The following XKR6 variants were observed in gnomAD, a reference collection of about 807,000 sequenced individuals.
The protein encoded by XKR6 is XK related 6, also known as XK-related protein 6.
XKR6 carries 22 observed loss-of-function variants against 56.7 expected under a neutral mutation model. The ratio of observed to expected loss-of-function variants is 0.39; its 90% CI spans 0.28 to 0.55. The LOEUF is 0.55. Among genes scored for constraint, XKR6 ranks in the 20% least tolerant of loss-of-function variants. XKR6 has a pLI of 0.66. For synonymous variants in XKR6, 524 were observed against 387.8 expected, an observed-to-expected ratio of 1.35 and a Z score of -4.13; for missense variants, 852 against 889.0, an observed-to-expected ratio of 0.96 and a Z score of 0.53.
intron 1 of XKR6, among the ~76,000 whole-genome samples, chr8:11,149,652 T>C (rs1801170263): frequency 6.6e-6 from 1 of 150,988 alleles, no homozygotes; most frequent in Admixed American, 6.6e-5. Context: ...GCTGAGAATG[T>C]CAATTAGTAC....
intron 1 of XKR6, among the ~76,000 whole-genome samples, chr8:11,194,077 A>C (rs1053256630): frequency 6.6e-6 from 1 of 152,224 alleles, no homozygotes; most frequent in Non-Finnish European, 1.5e-5. Context: ...GGCAGGACTT[A>C]GAACTCTACT....
chr8:11,170,299 T>A (rs976106808), intron 1 of XKR6, among the ~76,000 whole-genome samples: 2 of 152,212 alleles, frequency 1.3e-5, no homozygotes, highest in Admixed American at 1.3e-4. Context: ...AACAACCAAA[T>A]GTTCCCAACT....
intron 1 of XKR6, among the ~76,000 whole-genome samples, chr8:11,032,749 C>T (rs1374976082): frequency 6.6e-6 from 1 of 152,132 alleles, no homozygotes; most frequent in African/African-American, 2.4e-5. Context: ...CATGGTCAAA[C>T]ACCCCTCCAA....
rs998772576 is a variant in XKR6, at chr8:10,896,327, C to G, written c.*1625G>C. ...ATAAACAGTGGAATCAAATCCTCAC[C>G]CAAATGGCATGGCCTCTAAGGCCTG... On this transcript the variant is annotated 3_prime_UTR_variant, in exon 3 of 3. Coordinates refer to ENST00000416569, the MANE Select transcript of XKR6 (RefSeq NM_173683.4). 12 of 152,594 alleles carry G rather than the reference C, an allele frequency of 7.9e-5. No homozygotes were observed. Among genetic ancestry groups the G allele is most frequent in the Admixed American group, 3.9e-4 (6 of 15,272 alleles). The allele number at this position is 152,594 out of a possible 1,614,324, so 9.5% of individuals were successfully genotyped here. A position where few individuals can be genotyped will look rare whatever the true frequency, so the allele number is the denominator to read the frequency against.
intron 1 of XKR6, among the ~76,000 whole-genome samples, chr8:10,959,965 C>G (rs981989008): frequency 2.0e-5 from 3 of 152,104 alleles, no homozygotes; most frequent in East Asian, 1.9e-4. Flanking sequence ...AGGCAGCACT[C>G]ACACTCAGGG....
At chr8:10,908,515 G>A (rs1800247438) in intron 2 of XKR6, among the ~76,000 whole-genome samples, 1 of 151,958 alleles carries the variant, frequency 6.6e-6, no homozygotes. Flanking sequence ...CTCTCCTGCT[G>A]GCTCCTCAGA....
chr8:11,003,642 AG>A lies in XKR6; in HGVS notation c.765-78813del, dbSNP rs573171079. ...ATCTTCATTTTACAAATGCAAAGTGAGGCTCAGAGAAGCCATGCAGCCTGCT... is the reference window on the plus strand; with the variant it reads ...ATCTTCATTTTACAAATGCAAAGTGAGCTCAGAGAAGCCATGCAGCCTGCT... On this transcript the variant is annotated intron_variant, in intron 1 of 2. Coordinates refer to ENST00000416569, the MANE Select transcript of XKR6 (RefSeq NM_173683.4). Among the ~76,000 whole-genome samples, 284 of 152,334 alleles carry A rather than the reference AG, an allele frequency of 1.9e-3. 1 individual carries two copies. Among genetic ancestry groups the A allele is most frequent in the African/African-American group, 6.5e-3 (270 of 41,586 alleles).
chr8:10,981,105 T>C (rs1797724476), intron 1 of XKR6, among the ~76,000 whole-genome samples: 2 of 152,236 alleles, frequency 1.3e-5, no homozygotes, highest in Non-Finnish European at 2.9e-5. Flanking sequence ...CTTTGTTGTC[T>C]TCTACTCTCC....
At chr8:10,966,487 C>T (rs1047873453) in intron 1 of XKR6, among the ~76,000 whole-genome samples, 4 of 152,096 alleles carry the variant, frequency 2.6e-5, no homozygotes, top group African/African-American at 9.7e-5. Context: ...TCCTAGCCAA[C>T]ATGGTGAAAC....
At chr8:11,066,230 AC>A (rs1257795182) in intron 1 of XKR6, among the ~76,000 whole-genome samples, 2 of 151,314 alleles carry the variant, frequency 1.3e-5, no homozygotes, top group African/African-American at 2.4e-5. Flanking sequence ...CAACCTTCTC[AC>A]CCCCTCTCTC....
At chr8:11,096,853 A>C (rs1305167004) in intron 1 of XKR6, among the ~76,000 whole-genome samples, 1 of 152,268 alleles carries the variant, frequency 6.6e-6, no homozygotes, top group East Asian at 1.9e-4. Flanking sequence ...TGCATACTCA[A>C]GACCTCACTG....
intron 1 of XKR6, among the ~76,000 whole-genome samples, chr8:11,042,192 C>T (rs73541296): frequency 1.3e-5 from 2 of 152,062 alleles, no homozygotes; most frequent in Admixed American, 1.3e-4. Context: ...GGTCGAGTCT[C>T]CCTTATCCAA....
At chr8:11,086,357 C>T (rs933204336) in intron 1 of XKR6, among the ~76,000 whole-genome samples, 2 of 152,044 alleles carry the variant, frequency 1.3e-5, no homozygotes, top group African/African-American at 2.4e-5. Context: ...GCCCAAAGCC[C>T]GGGCCGAGGA....
At chr8:11,078,857 C>G (rs890775740) in intron 1 of XKR6, among the ~76,000 whole-genome samples, 1 of 152,198 alleles carries the variant, frequency 6.6e-6, no homozygotes, top group Non-Finnish European at 1.5e-5. Flanking sequence ...CCATGGCAAG[C>G]AAGGCCTCCC....
chr8:11,031,765 C>A (rs1218714011), intron 1 of XKR6, among the ~76,000 whole-genome samples: 2 of 152,238 alleles, frequency 1.3e-5, no homozygotes, highest in Non-Finnish European at 1.5e-5. Flanking sequence ...CTAAAATAAA[C>A]GTGACAGTGA....
At position 11,019,837 on chromosome 8, in the gene XKR6, G is replaced by A. The variant is rs189279068; in HGVS notation, c.765-95007C>T. On this transcript the variant is annotated intron_variant, in intron 1 of 2. Coordinates refer to ENST00000416569, the MANE Select transcript of XKR6 (RefSeq NM_173683.4). Reference sequence around the variant, plus strand: ...AGAAGCTGTGGCCTCTGAGGATGCTGTACTTCCGTGTAAGCTCAAACCCAG... The same window carrying A: ...AGAAGCTGTGGCCTCTGAGGATGCTATACTTCCGTGTAAGCTCAAACCCAG... Among the ~76,000 whole-genome samples the A allele has an allele frequency of 9.7e-4, 148 of 152,336 alleles. 1 individual carries two copies. Among genetic ancestry groups the A allele is most frequent in the African/African-American group, 3.4e-3 (141 of 41,586 alleles).
chr8:11,142,826 C>A (rs1266828930), intron 1 of XKR6, among the ~76,000 whole-genome samples: 1 of 152,122 alleles, frequency 6.6e-6, no homozygotes, highest in Non-Finnish European at 1.5e-5. Context: ...AATGATGGAA[C>A]AATGTGAGCT....
intron 1 of XKR6, among the ~76,000 whole-genome samples, chr8:11,158,298 G>C (rs1054238661): frequency 1.3e-5 from 2 of 152,178 alleles, no homozygotes; most frequent in African/African-American, 2.4e-5. Flanking sequence ...ACTTAGAATA[G>C]GGCCTGAAGG....
chr8:10,979,951 G>C (rs1403146344), intron 1 of XKR6, among the ~76,000 whole-genome samples: 1 of 152,200 alleles, frequency 6.6e-6, no homozygotes, highest in Admixed American at 6.5e-5. Context: ...GGCAGGGAAG[G>C]TTTCTTCGGG....
Sources: allele counts gnomAD v4.1 joint callset (sites outside exome capture counted in the v4.1 genomes callset), GRCh38; gene constraint gnomAD v4.1.1; transcripts MANE v1.5; gene names NCBI Gene and HGNC (gene_info 2026-07-23, HGNC 2026-07-21).